VTI1A: variants seen among roughly 807,000 people sequenced by gnomAD.
The protein encoded by VTI1A is vesicle transport through interaction with t-SNAREs 1A, also known as vesicle transport through interaction with t-SNAREs homolog 1A.
VTI1A carries 22 observed loss-of-function variants against 34.9 expected under a neutral mutation model. The observed-to-expected ratio is 0.63, with a 90% CI of 0.45 to 0.90. The LOEUF (loss-of-function observed/expected upper bound fraction) is 0.90, where lower values mean the gene tolerates loss of function less well. VTI1A is among the 40% of genes least tolerant of loss of function. VTI1A has a pLI of 0.00. For synonymous variants in VTI1A, 87 were observed against 97.3 expected, an observed-to-expected ratio of 0.89 and a Z score of 0.62; for missense variants, 268 against 275.6, an observed-to-expected ratio of 0.97 and a Z score of 0.20.
chr10:112,552,031 A>G (rs910713304), intron 5 of VTI1A, among the ~76,000 whole-genome samples: 1 of 152,210 alleles, frequency 6.6e-6, no homozygotes, highest in African/African-American at 2.4e-5. Context: ...TAATTATTTA[A>G]TATATTATGG....
rs138125280 is a variant in VTI1A, at chr10:112,631,575, A to G, written c.428-36643A>G. 1.0e-3 allele frequency among the ~76,000 whole-genome samples: 155 copies of G among 152,308 alleles called. 1 individual carries two copies. Among genetic ancestry groups the G allele is most frequent in the African/African-American group, 3.6e-3 (151 of 41,566 alleles). On this transcript the variant is annotated intron_variant, in intron 5 of 7. Transcript: ENST00000393077. ...CATAATGTTTTTGAGGTCCATTTAC[A>G]TTGCAGCCTAGGTCAGTACTTCATT...
At chr10:112,741,466 A>G (rs554379505) in intron 7 of VTI1A, among the ~76,000 whole-genome samples, 1 of 152,296 alleles carries the variant, frequency 6.6e-6, no homozygotes, top group African/African-American at 2.4e-5. Flanking sequence ...GTGACTGTTA[A>G]CGGATATTGG....
chr10:112,583,795 TC>T lies in VTI1A; in HGVS notation c.427+45468del, dbSNP rs1844044721. 2.0e-5 allele frequency among the ~76,000 whole-genome samples: 3 copies of T among 152,276 alleles called. No individual in the cohort carries two copies. In the South Asian group the frequency reaches 6.2e-4, roughly 32 times the overall value. ...AAGAGACTTTTGGTGGAAGGCTAAC[TC>T]CCAGGGGGCAACTTAGAATGAGTTG... On this transcript the variant is annotated intron_variant, in intron 5 of 7. Coordinates refer to ENST00000393077, the MANE Select transcript of VTI1A (RefSeq NM_145206.4).
At chr10:112,702,590 A>G (rs1319598416) in intron 7 of VTI1A, among the ~76,000 whole-genome samples, 4 of 149,002 alleles carry the variant, frequency 2.7e-5, no homozygotes, top group Admixed American at 6.7e-5. Flanking sequence ...CAGCTAATTT[A>G]TTTTTTATTT....
chr10:112,816,017 C>T lies in VTI1A; in HGVS notation c.*634C>T, dbSNP rs1853512064. ...TTTTAACCCAAAGATATTTTTTTTG[C>T]TGAGCCTGCCCAGTATTCACTGTTC... On this transcript the variant is annotated 3_prime_UTR_variant, in exon 8 of 8. Coordinates refer to ENST00000393077, the MANE Select transcript of VTI1A (RefSeq NM_145206.4). 2.3e-5 allele frequency: 5 copies of T among 221,988 alleles called. No individual in the cohort carries two copies. The South Asian group carries it at 9.2e-4, about 41-fold the overall frequency. The allele number at this position is 221,988 out of a possible 1,614,324, so 13.8% of individuals were successfully genotyped here.
chr10:112,582,596 G>T (rs1348270111), intron 5 of VTI1A, among the ~76,000 whole-genome samples: 1 of 152,114 alleles, frequency 6.6e-6, no homozygotes, highest in Admixed American at 6.6e-5. Flanking sequence ...TGATTTTAAA[G>T]ACTTGTGGTC....
intron 7 of VTI1A, among the ~76,000 whole-genome samples, chr10:112,815,073 G>A (rs1853465002): frequency 6.6e-6 from 1 of 151,576 alleles, no homozygotes; most frequent in South Asian, 2.1e-4. Flanking sequence ...CAATCATGTG[G>A]AGCCTTTCGT....
chr10:112,653,744 C>T (rs905332167), intron 5 of VTI1A, among the ~76,000 whole-genome samples: 1 of 152,186 alleles, frequency 6.6e-6, no homozygotes, highest in African/African-American at 2.4e-5. Context: ...GTATTTTATA[C>T]ACAGCCTGTA....
chr10:112,629,307 G>GA (rs561321280), intron 5 of VTI1A, among the ~76,000 whole-genome samples: 2 of 152,080 alleles, frequency 1.3e-5, no homozygotes, highest in African/African-American at 4.8e-5. Flanking sequence ...TTATGACCAG[G>GA]CCCTGAAGGG....
intron 7 of VTI1A, among the ~76,000 whole-genome samples, chr10:112,673,468 G>GTGCGCACACACA (rs1554938763): frequency 5.9e-5 from 9 of 151,562 alleles, no homozygotes; most frequent in African/African-American, 2.2e-4. Context: ...GCGTGCGCGC[G>GTGCGCACACACA]CACACACACA....
At chr10:112,658,009 C>T (rs570114118) in intron 5 of VTI1A, among the ~76,000 whole-genome samples, 1 of 150,152 alleles carries the variant, frequency 6.7e-6, no homozygotes, top group East Asian at 2.0e-4. Context: ...GGGTAATGAG[C>T]AACATGATCT....
At chr10:112,478,573 C>A (rs564282436) in intron 3 of VTI1A, among the ~76,000 whole-genome samples, 2 of 152,318 alleles carry the variant, frequency 1.3e-5, no homozygotes, top group African/African-American at 4.8e-5. Context: ...AATATGAAAT[C>A]TTCCATCTCA....
intron 5 of VTI1A, among the ~76,000 whole-genome samples, chr10:112,544,293 C>G (rs1850989229): frequency 6.6e-6 from 1 of 152,160 alleles, no homozygotes; most frequent in African/African-American, 2.4e-5. Flanking sequence ...TGCCATGATG[C>G]AATCTTGGCT....
chr10:112,576,815 T>C (rs1331146110), intron 5 of VTI1A, among the ~76,000 whole-genome samples: 3 of 152,192 alleles, frequency 2.0e-5, no homozygotes, highest in Admixed American at 1.3e-4. Context: ...TATCATGACC[T>C]ATAGTAAGAA....
At chr10:112,544,889 A>G (rs1053544185) in intron 5 of VTI1A, among the ~76,000 whole-genome samples, 4 of 152,144 alleles carry the variant, frequency 2.6e-5, no homozygotes, top group Admixed American at 2.6e-4. Flanking sequence ...AGGGCAGTCA[A>G]GTGGGGCAAG....
chr10:112,638,372 T>G (rs1444416048), intron 5 of VTI1A, among the ~76,000 whole-genome samples: 1 of 152,204 alleles, frequency 6.6e-6, no homozygotes, highest in Non-Finnish European at 1.5e-5. Context: ...GAGAGAAGTA[T>G]CTTGTCTTGG....
chr10:112,848,468 C>T, the VTI1A span, among the ~76,000 whole-genome samples: 2 of 152,148 alleles, frequency 1.3e-5, no homozygotes, highest in African/African-American at 2.4e-5. Context: ...CCTGGTCAGA[C>T]CTTGGAGAGC....
intron 7 of VTI1A, among the ~76,000 whole-genome samples, chr10:112,674,201 A>C (rs1055155005): frequency 2.6e-5 from 4 of 152,124 alleles, no homozygotes; most frequent in African/African-American, 9.7e-5. Context: ...TACTGGTGAT[A>C]AACTCGGGCC....
At chr10:112,502,623 T>C (rs1252018860) in intron 3 of VTI1A, among the ~76,000 whole-genome samples, 1 of 152,206 alleles carries the variant, frequency 6.6e-6, no homozygotes, top group African/African-American at 2.4e-5. Flanking sequence ...TTGCTAAAAG[T>C]GAACTGGTTT....
Sources: allele counts gnomAD v4.1 joint callset (sites outside exome capture counted in the v4.1 genomes callset), GRCh38; gene constraint gnomAD v4.1.1; transcripts MANE v1.5; gene names NCBI Gene and HGNC (gene_info 2026-07-23, HGNC 2026-07-21).